The following ZFAND3 variants were observed in gnomAD, a reference collection of about 807,000 sequenced individuals.
ZFAND3 encodes the protein AN1-type zinc finger protein 3.
A neutral mutation model predicts 29.6 loss-of-function variants in ZFAND3; 10 were observed. The observed-to-expected ratio is 0.34, with a 90% CI of 0.21 to 0.57. The LOEUF (loss-of-function observed/expected upper bound fraction) is 0.57, where lower values mean the gene tolerates loss of function less well. Ranked by LOEUF, ZFAND3 falls within the 20% of genes least tolerant of loss-of-function variation. ZFAND3 has a pLI of 0.86. For synonymous variants in ZFAND3, 128 were observed against 112.6 expected (o/e 1.14, Z -0.87); for missense variants, 230 against 304.5 (o/e 0.76, Z 1.82).
At chr6:37,865,372 T>G (rs1581719300) in intron 1 of ZFAND3, among the ~76,000 whole-genome samples, 1 of 152,112 alleles carries the variant, frequency 6.6e-6, no homozygotes, top group South Asian at 2.1e-4. Flanking sequence ...GTGCAATTTC[T>G]TTTTCCGAAT....
intron 1 of ZFAND3, among the ~76,000 whole-genome samples, chr6:37,843,887 T>C (rs902618363): frequency 7.2e-5 from 11 of 151,982 alleles, no homozygotes; most frequent in African/African-American, 2.2e-4. Flanking sequence ...TACTAACAAA[T>C]GCTGAATACA....
intron 1 of ZFAND3, among the ~76,000 whole-genome samples, chr6:37,907,364 A>G (rs1765427642): frequency 6.6e-6 from 1 of 152,158 alleles, no homozygotes. Flanking sequence ...TATCATTCTG[A>G]AAAGTTTTCC....
At chr6:37,989,035 T>A (rs1762716300) in intron 2 of ZFAND3, among the ~76,000 whole-genome samples, 1 of 152,094 alleles carries the variant, frequency 6.6e-6, no homozygotes, top group Admixed American at 6.6e-5. Flanking sequence ...TTCCCAGTAG[T>A]AGCTGGGATT....
At chr6:38,136,434 G>A (rs992882017) in intron 5 of ZFAND3, among the ~76,000 whole-genome samples, 2 of 152,192 alleles carry the variant, frequency 1.3e-5, no homozygotes, top group Non-Finnish European at 2.9e-5. Context: ...CCTGACTGCT[G>A]TCTTCCATAG....
intron 3 of ZFAND3, among the ~76,000 whole-genome samples, chr6:38,063,561 C>T (rs1390196167): frequency 6.6e-6 from 1 of 152,098 alleles, no homozygotes; most frequent in African/African-American, 2.4e-5. Flanking sequence ...AGGGCATTGA[C>T]CTACTGAGGA....
chr6:37,921,685 G>GA (rs892108915), intron 1 of ZFAND3, among the ~76,000 whole-genome samples: 2 of 150,510 alleles, frequency 1.3e-5, no homozygotes, highest in Non-Finnish European at 3.0e-5. Flanking sequence ...CTTCAAAATT[G>GA]AAAAAAAAAT....
chr6:37,823,365 G>C (rs259722), intron 1 of ZFAND3, among the ~76,000 whole-genome samples: 96,380 of 152,096 alleles, frequency 0.63, 31,334 homozygotes, highest in African/African-American at 0.75. Context: ...TAGCCAGGGC[G>C]CACACCCAGC....
chr6:37,928,840 C>T (rs868387295), intron 1 of ZFAND3, among the ~76,000 whole-genome samples: 2 of 152,092 alleles, frequency 1.3e-5, no homozygotes, highest in African/African-American at 4.8e-5. Context: ...ATTGATTGCC[C>T]ACCATGTAGT....
chr6:37,852,519 C>CA (rs893441561), intron 1 of ZFAND3, among the ~76,000 whole-genome samples: 5 of 152,112 alleles, frequency 3.3e-5, no homozygotes, highest in African/African-American at 1.2e-4. Flanking sequence ...GTGTCTCTAT[C>CA]ACCTCATGCA....
At chr6:38,093,329 G>C (rs985099113) in intron 4 of ZFAND3, among the ~76,000 whole-genome samples, 1 of 152,150 alleles carries the variant, frequency 6.6e-6, no homozygotes, top group African/African-American at 2.4e-5. Context: ...TAAATCTGGA[G>C]AACTGAGGGA....
intron 4 of ZFAND3, among the ~76,000 whole-genome samples, chr6:38,106,983 T>C (rs1765223486): frequency 6.6e-6 from 1 of 152,218 alleles, no homozygotes; most frequent in Non-Finnish European, 1.5e-5. Flanking sequence ...GGCTTTTCTT[T>C]ATGTTTTTTA....
intron 1 of ZFAND3, among the ~76,000 whole-genome samples, chr6:37,928,458 T>G (rs920498442): frequency 1.3e-5 from 2 of 152,126 alleles, no homozygotes; most frequent in African/African-American, 4.8e-5. Context: ...ATGAGTCCGC[T>G]TGGGAGAGGA....
chr6:38,029,522 G>A (rs1364268134), intron 2 of ZFAND3, among the ~76,000 whole-genome samples: 23 of 152,148 alleles, frequency 1.5e-4, no homozygotes, highest in Admixed American at 1.4e-3. Context: ...AAACAGCACA[G>A]CATTTATGGT....
intron 1 of ZFAND3, among the ~76,000 whole-genome samples, chr6:37,837,801 C>T (rs918798103): frequency 6.6e-6 from 1 of 152,116 alleles, no homozygotes; most frequent in African/African-American, 2.4e-5. Context: ...CCATTACGCC[C>T]GGCCGATAGA....
intron 1 of ZFAND3, among the ~76,000 whole-genome samples, chr6:37,926,841 G>A (rs1427156258): frequency 6.6e-6 from 1 of 152,140 alleles, no homozygotes. Flanking sequence ...TAGGTAGCGA[G>A]TAGTTGTATG....
At chr6:38,140,679 C>T (rs375710031) in intron 5 of ZFAND3, among the ~76,000 whole-genome samples, 2 of 152,158 alleles carry the variant, frequency 1.3e-5, no homozygotes, top group South Asian at 2.1e-4. Flanking sequence ...TTTTTATACC[C>T]AAATTGTAAC....
chr6:37,994,045 A>T (rs190041017), intron 2 of ZFAND3, among the ~76,000 whole-genome samples: 116 of 152,308 alleles, frequency 7.6e-4, no homozygotes, highest in South Asian at 3.1e-3. Flanking sequence ...AACTTTTTAA[A>T]AAAACGATTT....
At chr6:38,040,956 C>T (rs184251596) in intron 2 of ZFAND3, among the ~76,000 whole-genome samples, 2 of 152,256 alleles carry the variant, frequency 1.3e-5, no homozygotes, top group African/African-American at 4.8e-5. Flanking sequence ...TCCCTGCTGC[C>T]GCCTGTGCCC....
chr6:38,138,609 A>G (rs1179328084), intron 5 of ZFAND3, among the ~76,000 whole-genome samples: 2 of 152,166 alleles, frequency 1.3e-5, no homozygotes, highest in East Asian at 3.9e-4. Context: ...GCCACAGGAC[A>G]TTTGCATGAG....
Sources: gnomAD v4.1 joint callset for allele counts (sites outside exome capture counted in the v4.1 genomes callset) on GRCh38, gnomAD v4.1.1 for gene constraint, MANE v1.5 for transcripts, NCBI Gene and HGNC (gene_info 2026-07-23, HGNC 2026-07-21) for gene names.